NPAS3: variants seen among roughly 807,000 people sequenced by gnomAD.
NPAS3 encodes neuronal PAS domain protein 3, also known as neuronal PAS domain-containing protein 3.
A neutral mutation model predicts 73.1 loss-of-function variants in NPAS3; 14 were observed. The ratio of observed to expected loss-of-function variants is 0.19; its 90% CI spans 0.13 to 0.30. The LOEUF (loss-of-function observed/expected upper bound fraction) is 0.30. Ranked by LOEUF, NPAS3 falls within the 10% of genes least tolerant of loss-of-function variation. The pLI, the probability that NPAS3 is intolerant of heterozygous loss-of-function variation, is 1.00. For synonymous variants in NPAS3, 620 were observed against 541.5 expected, an observed-to-expected ratio of 1.14 and a Z score of -2.01; for missense variants, 1,096 against 1,250.0, an observed-to-expected ratio of 0.88 and a Z score of 1.86.
At chr14:33,094,386 G>A (rs1350009964) in intron 2 of NPAS3, among the ~76,000 whole-genome samples, 1 of 151,446 alleles carries the variant, frequency 6.6e-6, no homozygotes, top group East Asian at 1.9e-4. Flanking sequence ...TTTTAATATC[G>A]AATAATTTTA....
upstream of NPAS3, among the ~76,000 whole-genome samples, chr14:32,938,872 C>T (rs891629114): frequency 1.3e-4 from 19 of 146,304 alleles, no homozygotes; most frequent in African/African-American, 4.4e-4. Flanking sequence ...CCTCCTCCGC[C>T]GCCGCCGCCG....
At chr14:33,415,401 TC>T (rs761746031) in intron 4 of NPAS3, among the ~76,000 whole-genome samples, 1 of 152,164 alleles carries the variant, frequency 6.6e-6, no homozygotes. Flanking sequence ...CCCCAGTCTG[TC>T]CTTCTATCCA....
chr14:33,444,367 G>A (rs1188066716), intron 4 of NPAS3, among the ~76,000 whole-genome samples: 1 of 152,238 alleles, frequency 6.6e-6, no homozygotes, highest in Non-Finnish European at 1.5e-5. Flanking sequence ...GTGACGGGAT[G>A]ACATGGGGTT....
chr14:33,521,719 T>C (rs1429718360), intron 4 of NPAS3, among the ~76,000 whole-genome samples: 1 of 152,182 alleles, frequency 6.6e-6, no homozygotes, highest in Non-Finnish European at 1.5e-5. Context: ...GAGTTTCTTA[T>C]TGAATTGTAT....
intron 6 of NPAS3, among the ~76,000 whole-genome samples, chr14:33,696,656 T>C (rs2060390528): frequency 2.0e-5 from 3 of 152,206 alleles, no homozygotes; most frequent in Admixed American, 1.3e-4. Context: ...GATTATCCGA[T>C]GAAATTCATT....
chr14:33,083,570 G>A (rs1400577637), intron 2 of NPAS3, among the ~76,000 whole-genome samples: 2 of 152,172 alleles, frequency 1.3e-5, no homozygotes, highest in African/African-American at 4.8e-5. Context: ...AACAGTGCAG[G>A]AAGAGGAGGT....
At chr14:33,045,567 T>C (rs1025206259) in intron 1 of NPAS3, among the ~76,000 whole-genome samples, 3 of 152,224 alleles carry the variant, frequency 2.0e-5, no homozygotes, top group African/African-American at 4.8e-5. Flanking sequence ...TCAGGTTGTA[T>C]TGACATCTTG....
At chr14:33,123,009 ATATT>A (rs1282043234) in intron 2 of NPAS3, among the ~76,000 whole-genome samples, 1 of 152,102 alleles carries the variant, frequency 6.6e-6, no homozygotes, top group Non-Finnish European at 1.5e-5. Flanking sequence ...TTTTAAGGAA[ATATT>A]TATTAAAAAC....
chr14:33,742,824 T>C (rs1222154114), intron 7 of NPAS3, among the ~76,000 whole-genome samples: 2 of 152,240 alleles, frequency 1.3e-5, no homozygotes, highest in African/African-American at 4.8e-5. Flanking sequence ...CTAAATCCTT[T>C]GTTATTTCAG....
At chr14:33,212,307 A>C (rs926901380) in intron 2 of NPAS3, among the ~76,000 whole-genome samples, 1 of 152,204 alleles carries the variant, frequency 6.6e-6, no homozygotes, top group Non-Finnish European at 1.5e-5. Context: ...AAAGTCTTCT[A>C]AACTATGGTC....
At chr14:33,397,064 G>T (rs762758121) in intron 4 of NPAS3, among the ~76,000 whole-genome samples, 5 of 152,032 alleles carry the variant, frequency 3.3e-5, no homozygotes, top group Non-Finnish European at 7.4e-5. Flanking sequence ...AATCCATGGG[G>T]AATGGTGAGT....
chr14:33,412,032 T>G (rs933999993), intron 4 of NPAS3, among the ~76,000 whole-genome samples: 1 of 152,236 alleles, frequency 6.6e-6, no homozygotes, highest in African/African-American at 2.4e-5. Flanking sequence ...ACTTTGACTA[T>G]GTGTCTGCAT....
intron 5 of NPAS3, among the ~76,000 whole-genome samples, chr14:33,640,052 T>C (rs1255382804): frequency 6.6e-6 from 1 of 152,076 alleles, no homozygotes; most frequent in Non-Finnish European, 1.5e-5. Flanking sequence ...ACCCCATCTC[T>C]ACTAACATAC....
intron 5 of NPAS3, among the ~76,000 whole-genome samples, chr14:33,626,014 C>T (rs2058209134): frequency 6.6e-6 from 1 of 152,132 alleles, no homozygotes; most frequent in Non-Finnish European, 1.5e-5. Context: ...GAGAAATTAA[C>T]TGGCCAAGAT....
chr14:33,548,374 G>A (rs886340942), intron 4 of NPAS3, among the ~76,000 whole-genome samples: 2 of 152,120 alleles, frequency 1.3e-5, no homozygotes, highest in African/African-American at 4.8e-5. Context: ...ACAAAAGAGT[G>A]GGTAAATAAT....
chr14:33,214,612 GT>G (rs1228536983), intron 2 of NPAS3: 1 of 152,280 alleles, frequency 6.6e-6, no homozygotes, highest in African/African-American at 2.4e-5. Flanking sequence ...TAAATATGAT[GT>G]TTTCTTCATC....
At chr14:33,194,340 T>C (rs1479056344) in intron 2 of NPAS3, among the ~76,000 whole-genome samples, 1 of 152,194 alleles carries the variant, frequency 6.6e-6, no homozygotes, top group Non-Finnish European at 1.5e-5. Flanking sequence ...AGCTTCCACT[T>C]TCATTTACCC....
At chr14:33,572,486 G>A (rs927879139) in intron 5 of NPAS3, among the ~76,000 whole-genome samples, 1 of 152,118 alleles carries the variant, frequency 6.6e-6, no homozygotes, top group Non-Finnish European at 1.5e-5. Context: ...TACAATGACA[G>A]TCTCCATTTT....
intron 1 of NPAS3, among the ~76,000 whole-genome samples, chr14:33,045,779 G>A (rs1254252168): frequency 2.0e-5 from 3 of 152,174 alleles, no homozygotes; most frequent in African/African-American, 7.2e-5. Flanking sequence ...TTAAGGCTAT[G>A]TTGGAAATGG....
Sources: allele counts gnomAD v4.1 joint callset (sites outside exome capture counted in the v4.1 genomes callset), GRCh38; gene constraint gnomAD v4.1.1; transcripts MANE v1.5; gene names NCBI Gene and HGNC (gene_info 2026-07-23, HGNC 2026-07-21).